MAP3K13: variants seen among roughly 807,000 people sequenced by gnomAD.
The protein encoded by MAP3K13 is leucine zipper-bearing kinase.
In MAP3K13, 52 loss-of-function variants were observed where a neutral mutation model predicts 104.0. That is an observed-to-expected ratio of 0.50 (90% CI 0.40 to 0.63). The LOEUF is 0.63. Ranked by LOEUF, MAP3K13 falls within the 20% of genes least tolerant of loss-of-function variation. MAP3K13 has a pLI of 0.00. For synonymous variants in MAP3K13, 394 were observed against 442.2 expected, an observed-to-expected ratio of 0.89 and a Z score of 1.37; for missense variants, 914 against 1,218.5, an observed-to-expected ratio of 0.75 and a Z score of 3.72.
At chr3:185,417,455 A>G (rs1239355537) in intron 1 of MAP3K13, 8 of 1,543,522 alleles carry the variant, frequency 5.2e-6, no homozygotes, top group Non-Finnish European at 7.0e-6. Flanking sequence ...GAAGCTGTCC[A>G]AAATGATTTG....
At position 185,423,492 on chromosome 3, in the gene MAP3K13, G is replaced by A. The variant is rs1714248680; in HGVS notation, c.-85-5005G>A. ...GTGATCAGCCAGAAAGTATAATGAG[G>A]AGATCAGTAATGTCAAAGCTCAGAG... On this transcript the variant is annotated intron_variant, in intron 1 of 13. Transcript: ENST00000265026. This position sits in a 1 kb window ranked among gnomAD's most constrained non-coding sequence, Gnocchi z 4.1. Among the ~76,000 whole-genome samples, 1 of 152,226 alleles carries A rather than the reference G, an allele frequency of 6.6e-6. No homozygotes were observed. Among genetic ancestry groups the A allele is most frequent in the Non-Finnish European group, 1.5e-5 (1 of 68,040 alleles).
intron 1 of MAP3K13, among the ~76,000 whole-genome samples, chr3:185,427,858 C>T (rs932120514): frequency 7.2e-5 from 11 of 152,156 alleles, no homozygotes; most frequent in African/African-American, 2.7e-4. Context: ...GGGGTTGGAT[C>T]ACCTAAGGTC....
chr3:185,477,010 ACCT>A (rs1449992121), intron 11 of MAP3K13: 1 of 481,498 alleles, frequency 2.1e-6, no homozygotes. Context: ...CAAATCCAAG[ACCT>A]CCTCTCCAAC....
chr3:185,480,567 T>C, intron 13 of MAP3K13, 38 bp downstream of exon 13: 1 of 1,587,772 alleles, frequency 6.3e-7, no homozygotes, highest in Non-Finnish European at 8.6e-7. Flanking sequence ...CACTGTTCCC[T>C]TTTTTGCTCT....
intron 2 of MAP3K13, among the ~76,000 whole-genome samples, chr3:185,436,173 C>T (rs1257599547): frequency 6.6e-6 from 1 of 152,132 alleles, no homozygotes; most frequent in Non-Finnish European, 1.5e-5. Context: ...TTTAAAATAG[C>T]ATTTTATTCA....
intron 2 of MAP3K13, among the ~76,000 whole-genome samples, chr3:185,351,338 G>T (rs1577453222): frequency 6.6e-6 from 1 of 152,180 alleles, no homozygotes; most frequent in Non-Finnish European, 1.5e-5. Flanking sequence ...ATATATGCCT[G>T]AAACTAGAAT....
At position 185,474,511 on chromosome 3, in the gene MAP3K13, C is replaced by A. The variant is rs1310407691; in HGVS notation, c.2430+750C>A. Among the ~76,000 whole-genome samples, 2 of 152,178 alleles carry A rather than the reference C, an allele frequency of 1.3e-5. 1 individual carries two copies. The highest frequency in any genetic ancestry group is 4.8e-5 in the African/African-American group (2 of 41,454). On this transcript the variant is annotated intron_variant, in intron 11 of 13. Coordinates refer to ENST00000265026, the MANE Select transcript of MAP3K13 (RefSeq NM_004721.5). ...AGATTCCTAGGGCACATTAACAGTC[C>A]TCTGCTTTGAGAAATCCTGCAGTAA... is the stretch of plus-strand genomic sequence containing the variant.
chr3:185,443,326 T>C, intron 3 of MAP3K13, 119 bp from the exon 4 acceptor site: 1 of 664,836 alleles, frequency 1.5e-6, no homozygotes, highest in Non-Finnish European at 2.5e-6. Context: ...GGAACTATTA[T>C]CTATACACAT....
At chr3:185,352,860 A>G (rs1723189882) in intron 2 of MAP3K13, among the ~76,000 whole-genome samples, 1 of 152,218 alleles carries the variant, frequency 6.6e-6, no homozygotes. Flanking sequence ...AGTTGAACAG[A>G]CTGGATTGGA....
chr3:185,348,786 G>A (rs1390280157), intron 2 of MAP3K13, among the ~76,000 whole-genome samples: 1 of 152,210 alleles, frequency 6.6e-6, no homozygotes, highest in East Asian at 1.9e-4. Flanking sequence ...GCGTGGTGGC[G>A]GGCGCCTGTA....
chr3:185,297,553 G>A (rs1465735573), intron 2 of MAP3K13, among the ~76,000 whole-genome samples: 1 of 152,088 alleles, frequency 6.6e-6, no homozygotes, highest in Admixed American at 6.6e-5. Flanking sequence ...TGGCCAACAT[G>A]GTGAAACCCT....
intron 2 of MAP3K13, among the ~76,000 whole-genome samples, chr3:185,350,678 A>G (rs957730085): frequency 1.7e-4 from 26 of 152,314 alleles, no homozygotes; most frequent in Middle Eastern, 3.4e-3. Context: ...ATACCATCTC[A>G]CACCAATCAG....
chr3:185,463,870 T>A (rs553619217), intron 8 of MAP3K13, among the ~76,000 whole-genome samples: 1 of 152,332 alleles, frequency 6.6e-6, no homozygotes, highest in African/African-American at 2.4e-5. Flanking sequence ...TTTTATTAGG[T>A]CTCTGCAACA....
chr3:185,374,086 C>G (rs1246702362), intron 1 of MAP3K13, among the ~76,000 whole-genome samples: 2 of 151,918 alleles, frequency 1.3e-5, no homozygotes, highest in African/African-American at 4.8e-5. Flanking sequence ...ATCAGTTAGG[C>G]TGGGGCAGAA....
intron 2 of MAP3K13, among the ~76,000 whole-genome samples, chr3:185,352,793 G>GT (rs978141977): frequency 2.0e-5 from 3 of 152,128 alleles, no homozygotes; most frequent in African/African-American, 7.2e-5. Context: ...ATATTCTCCT[G>GT]TATCTACTTA....
upstream of MAP3K13, among the ~76,000 whole-genome samples, chr3:185,360,529 T>C (rs151185763): frequency 1.0e-3 from 155 of 152,330 alleles, no homozygotes; most frequent in African/African-American, 3.4e-3. Context: ...TTTCCCATGA[T>C]AGTTGACATG....
At chr3:185,455,571 A>G (rs369800089) in intron 7 of MAP3K13, among the ~76,000 whole-genome samples, 5 of 4,134 alleles carry the variant, frequency 1.2e-3, no homozygotes, top group Admixed American at 0.011. Context: ...TGAGATATAT[A>G]TGACATATAT....
chr3:185,467,989 G>A (rs1350372149), intron 10 of MAP3K13, among the ~76,000 whole-genome samples: 9 of 152,066 alleles, frequency 5.9e-5, no homozygotes, highest in Non-Finnish European at 7.4e-5. Context: ...AGAGAGCAAA[G>A]CAGGAGGTGC....
chr3:185,332,218 A>G (rs1389877371), intron 2 of MAP3K13, among the ~76,000 whole-genome samples: 2 of 63,892 alleles, frequency 3.1e-5, no homozygotes, highest in Non-Finnish European at 8.4e-5. Context: ...GATTGTACCA[A>G]TGTGTACTCC....
Sources: gnomAD v4.1 joint callset for allele counts (sites outside exome capture counted in the v4.1 genomes callset) on GRCh38, gnomAD v4.1.1 for gene constraint, Gnocchi (gnomAD v3.1) non-coding constraint, MANE v1.5 for transcripts, NCBI Gene and HGNC (gene_info 2026-07-23, HGNC 2026-07-21) for gene names.